The following STIM1 variants were observed in gnomAD, a reference collection of about 807,000 sequenced individuals.
STIM1 encodes the protein stromal interaction molecule 1.
In STIM1, 25 loss-of-function variants were observed where a neutral mutation model predicts 74.7. The ratio of observed to expected loss-of-function variants is 0.33; its 90% CI spans 0.24 to 0.47. STIM1 has a LOEUF of 0.47. STIM1 is among the 20% of genes least tolerant of loss of function. The probability of loss-of-function intolerance (pLI) is 1.00; values close to 1 mark genes in which losing one functional copy is unlikely to be tolerated. For synonymous variants in STIM1, 328 were observed against 348.8 expected, an observed-to-expected ratio of 0.94 and a Z score of 0.66; for missense variants, 728 against 920.8, an observed-to-expected ratio of 0.79 and a Z score of 2.71.
chr11:3,894,301 C>T (rs914046814), intron 1 of STIM1, among the ~76,000 whole-genome samples: 1 of 152,036 alleles, frequency 6.6e-6, no homozygotes, highest in Non-Finnish European at 1.5e-5. Context: ...TAAACTCTTA[C>T]AACAAAAAGG....
At chr11:4,063,733 C>T (rs2094347349) in intron 5 of STIM1, among the ~76,000 whole-genome samples, 1 of 152,148 alleles carries the variant, frequency 6.6e-6, no homozygotes, top group Non-Finnish European at 1.5e-5. Flanking sequence ...GGGAAGAACC[C>T]TGTATTGGCA....
At position 3,895,700 on chromosome 11, in the gene STIM1, T is replaced by C. The variant is rs1174234817; in HGVS notation, c.139+39291T>C. 2.4e-4 allele frequency among the ~76,000 whole-genome samples: 7 copies of C among 29,760 alleles called. 1 individual carries two copies. The highest frequency in any genetic ancestry group is 1.5e-3 in the African/African-American group (7 of 4,530). The allele number at this position is 29,760 out of a possible 152,430, so 19.5% of individuals were successfully genotyped here. On this transcript the variant is annotated intron_variant, in intron 1 of 12. Transcript: ENST00000526596. ...CTTCCTTCCTTCTTTCTTTCTTTCTTTCTTTCTTTCTTTCTTTCTTTCTTT... is the reference window on the plus strand; with the variant it reads ...CTTCCTTCCTTCTTTCTTTCTTTCTCTCTTTCTTTCTTTCTTTCTTTCTTT...
chr11:3,992,245 C>CA lies in STIM1; in HGVS notation c.270+24574dup, dbSNP rs1035191840. On this transcript the variant is annotated intron_variant, in intron 2 of 12. Coordinates refer to ENST00000526596, the MANE Select transcript of STIM1 (RefSeq NM_001382567.1). ...GCAATGTGGCAGAACTTGGTCTCTA[C>CA]AAAAAAAAAAACACAAAAATTAGCT... Among the ~76,000 whole-genome samples, 759 of 137,502 alleles carry CA rather than the reference C, an allele frequency of 5.5e-3. 1 individual carries two copies. The highest frequency in any genetic ancestry group is 0.017 in the African/African-American group (642 of 37,162). The allele number at this position is 137,502 out of a possible 152,430, so 90.2% of individuals were successfully genotyped here. A position where few individuals can be genotyped will look rare whatever the true frequency, so the allele number is the denominator to read the frequency against.
chr11:3,907,568 C>T (rs1453421705), intron 1 of STIM1, among the ~76,000 whole-genome samples: 1 of 152,224 alleles, frequency 6.6e-6, no homozygotes, highest in East Asian at 1.9e-4. Context: ...TAACTGATTG[C>T]CCTGCTTTTG....
chr11:3,892,930 G>A (rs1565103535), intron 1 of STIM1: 1 of 1,162,010 alleles, frequency 8.6e-7, no homozygotes, highest in Non-Finnish European at 1.3e-6. Flanking sequence ...CATCTGCAAA[G>A]ACTTTTATGT....
intron 1 of STIM1, among the ~76,000 whole-genome samples, chr11:3,865,712 C>A (rs1218840673): frequency 6.6e-6 from 1 of 152,150 alleles, no homozygotes; most frequent in East Asian, 1.9e-4. Context: ...TTGTATGTCT[C>A]ACCACTGAGC....
chr11:3,918,504 C>G (rs1440890374), intron 1 of STIM1, among the ~76,000 whole-genome samples: 1 of 150,188 alleles, frequency 6.7e-6, no homozygotes, highest in Non-Finnish European at 1.5e-5. Context: ...CCACTGCACT[C>G]CAGCCTGGGA....
chr11:4,090,871 C>A (rs2094520066), intron 12 of STIM1, among the ~76,000 whole-genome samples: 1 of 152,222 alleles, frequency 6.6e-6, no homozygotes, highest in South Asian at 2.1e-4. Context: ...ATTTGCCAGA[C>A]AGATGATGGT....
At chr11:3,864,315 T>A (rs1565094243) in intron 1 of STIM1, among the ~76,000 whole-genome samples, 1 of 152,210 alleles carries the variant, frequency 6.6e-6, no homozygotes, top group African/African-American at 2.4e-5. Context: ...AATAAGTATT[T>A]ATTATCTCAT....
At chr11:3,923,057 G>A (rs1254304380) in intron 1 of STIM1, among the ~76,000 whole-genome samples, 4 of 147,712 alleles carry the variant, frequency 2.7e-5, no homozygotes, top group South Asian at 2.1e-4. Context: ...AGAGATCGGC[G>A]CCACTGCACT....
At chr11:3,920,548 C>G (rs935490834) in intron 1 of STIM1, among the ~76,000 whole-genome samples, 5 of 152,262 alleles carry the variant, frequency 3.3e-5, no homozygotes, top group Admixed American at 6.5e-5. Flanking sequence ...ATCCCACAGA[C>G]CTACCAACTG....
At chr11:3,881,077 C>T (rs926609704) in intron 1 of STIM1, among the ~76,000 whole-genome samples, 24 of 137,598 alleles carry the variant, frequency 1.7e-4, no homozygotes, top group African/African-American at 4.7e-4. Context: ...AGTATGGTGA[C>T]GTAGGCCGTT....
At chr11:3,869,996 A>C (rs1255880963) in intron 1 of STIM1, among the ~76,000 whole-genome samples, 2 of 152,156 alleles carry the variant, frequency 1.3e-5, no homozygotes, top group African/African-American at 4.8e-5. Context: ...AGCAGAAAAT[A>C]TATGGCAGTC....
chr11:3,943,709 C>T (rs1173152007), intron 1 of STIM1, among the ~76,000 whole-genome samples: 1 of 152,170 alleles, frequency 6.6e-6, no homozygotes, highest in Non-Finnish European at 1.5e-5. Flanking sequence ...TGAGGCTAGC[C>T]TGGGCAACAG....
intron 1 of STIM1, among the ~76,000 whole-genome samples, chr11:3,907,257 A>G (rs1025464527): frequency 6.6e-6 from 1 of 152,196 alleles, no homozygotes; most frequent in African/African-American, 2.4e-5. Flanking sequence ...TGAATATCTC[A>G]TGGCATTAAA....
chr11:3,898,431 G>A (rs1414300009), intron 1 of STIM1, among the ~76,000 whole-genome samples: 1 of 117,102 alleles, frequency 8.5e-6, no homozygotes, highest in Non-Finnish European at 1.7e-5. Context: ...TGTCAGATGA[G>A]TAGGTTGTGA....
At chr11:3,881,861 C>CG (rs2091518435) in intron 1 of STIM1, among the ~76,000 whole-genome samples, 2 of 151,324 alleles carry the variant, frequency 1.3e-5, no homozygotes, top group South Asian at 4.2e-4. Flanking sequence ...TTACTAGAGA[C>CG]GGGGTTCGCC....
intron 1 of STIM1, chr11:3,892,970 A>T (rs1318035602): frequency 1.2e-6 from 1 of 860,566 alleles, no homozygotes; most frequent in Non-Finnish European, 1.8e-6. Context: ...GGGTTTTGCC[A>T]TGTTGCCCAG....
intron 1 of STIM1, among the ~76,000 whole-genome samples, chr11:3,916,842 C>A (rs1179592253): frequency 6.6e-6 from 1 of 152,182 alleles, no homozygotes; most frequent in African/African-American, 2.4e-5. Context: ...TCCACCTTGG[C>A]CTCCCAAAGT....
Sources: gnomAD v4.1 joint callset for allele counts (sites outside exome capture counted in the v4.1 genomes callset) on GRCh38, gnomAD v4.1.1 for gene constraint, MANE v1.5 for transcripts, NCBI Gene and HGNC (gene_info 2026-07-23, HGNC 2026-07-21) for gene names.